Variants in DPP10 observed in about 807,000 individuals in gnomAD.
DPP10 encodes the protein inactive dipeptidyl peptidase 10.
A neutral mutation model predicts 120.9 loss-of-function variants in DPP10; 33 were observed. The ratio of observed to expected loss-of-function variants is 0.27; its 90% CI spans 0.21 to 0.37. The LOEUF (loss-of-function observed/expected upper bound fraction) is 0.37, where lower values mean the gene tolerates loss of function less well. DPP10 is among the 10% of genes least tolerant of loss of function. DPP10 has a pLI of 1.00. For missense variants in DPP10, 816 were observed against 942.8 expected (o/e 0.87, Z 1.76); for synonymous variants, 337 against 326.1 (o/e 1.03, Z -0.36).
intron 1 of DPP10, among the ~76,000 whole-genome samples, chr2:115,101,529 G>C (rs2048692981): frequency 6.6e-6 from 1 of 152,130 alleles, no homozygotes; most frequent in Non-Finnish European, 1.5e-5. Context: ...GGCCCAAGTA[G>C]GGAAGCCACT....
intron 1 of DPP10, among the ~76,000 whole-genome samples, chr2:115,277,244 G>A (rs1011888438): frequency 2.0e-5 from 3 of 152,056 alleles, no homozygotes; most frequent in African/African-American, 7.2e-5. Context: ...AAATACTGGT[G>A]TGCCTGACTT....
At chr2:115,166,081 C>T (rs1201400162) in intron 1 of DPP10, among the ~76,000 whole-genome samples, 1 of 152,134 alleles carries the variant, frequency 6.6e-6, no homozygotes, top group Non-Finnish European at 1.5e-5. Flanking sequence ...GTAATATCAA[C>T]TTAAAATGTT....
chr2:115,311,334 C>A (rs1198485524), intron 2 of DPP10, among the ~76,000 whole-genome samples: 1 of 152,152 alleles, frequency 6.6e-6, no homozygotes, highest in Non-Finnish European at 1.5e-5. Flanking sequence ...CTGCCTAGCA[C>A]TGCTGCTGCT....
intron 1 of DPP10, among the ~76,000 whole-genome samples, chr2:114,892,953 G>A (rs1692664868): frequency 2.0e-5 from 3 of 152,298 alleles, no homozygotes; most frequent in South Asian, 4.1e-4. Flanking sequence ...AGTTGAGGCA[G>A]TGCTAAAACC....
At chr2:114,997,695 G>A (rs1352294693) in intron 1 of DPP10, among the ~76,000 whole-genome samples, 1 of 152,142 alleles carries the variant, frequency 6.6e-6, no homozygotes, top group Non-Finnish European at 1.5e-5. Flanking sequence ...TCTAGAAATA[G>A]GGATGAGTGT....
intron 1 of DPP10, chr2:115,064,574 C>T: frequency 8.9e-7 from 1 of 1,122,334 alleles, no homozygotes; most frequent in South Asian, 1.6e-5. Context: ...CCCCTACACA[C>T]ACATATTTCG....
chr2:115,085,717 A>C (rs1649694306), intron 1 of DPP10, among the ~76,000 whole-genome samples: 1 of 152,178 alleles, frequency 6.6e-6, no homozygotes, highest in South Asian at 2.1e-4. Flanking sequence ...CAGCCTTTTT[A>C]GCCCAGTCCT....
intron 3 of DPP10, among the ~76,000 whole-genome samples, chr2:115,415,857 A>ATATATATC (rs1553592876): frequency 3.0e-5 from 4 of 135,198 alleles, no homozygotes; most frequent in Non-Finnish European, 6.3e-5. Context: ...ATATATATAT[A>ATATATATC]TATATATATA....
At chr2:114,526,855 G>A (rs529835161) in intron 1 of DPP10, among the ~76,000 whole-genome samples, 2 of 152,176 alleles carry the variant, frequency 1.3e-5, no homozygotes, top group African/African-American at 4.8e-5. Context: ...ATTAGGGTGG[G>A]GGATACAAAT....
At chr2:115,750,023 G>T (rs1678504077) in intron 10 of DPP10, 1 of 985,226 alleles carries the variant, frequency 1.0e-6, no homozygotes. Context: ...GGACTTCCTG[G>T]GTAATCCAGA....
intron 24 of DPP10, among the ~76,000 whole-genome samples, chr2:115,838,120 A>G (rs886931028): frequency 2.6e-5 from 4 of 152,204 alleles, no homozygotes; most frequent in African/African-American, 7.2e-5. Context: ...GGAACTCTGT[A>G]CTATCTCTGC....
intron 1 of DPP10, among the ~76,000 whole-genome samples, chr2:114,801,020 T>A (rs2106279766): frequency 6.6e-6 from 1 of 151,474 alleles, no homozygotes; most frequent in South Asian, 2.1e-4. Context: ...TCCCAGCACT[T>A]TGGGAGGCCG....
At chr2:114,534,763 A>G (rs1466450806) in intron 1 of DPP10, among the ~76,000 whole-genome samples, 1 of 151,666 alleles carries the variant, frequency 6.6e-6, no homozygotes, top group East Asian at 1.9e-4. Flanking sequence ...AACATCTTTT[A>G]GAGTCATGGA....
Position 114,525,081 on chromosome 2 carries a change from C to G in DPP10, c.60+82243C>G, listed in dbSNP as rs6734259. 8.1e-3 allele frequency among the ~76,000 whole-genome samples: 1,232 copies of G among 152,250 alleles called. 18 individuals carry two copies. Among genetic ancestry groups the G allele is most frequent in the African/African-American group, 0.028 (1,164 of 41,530 alleles). On this transcript the variant is annotated intron_variant, in intron 1 of 25. Transcript: ENST00000410059. ...TATATTAGCAATACCTTCCCTCTACCCTTTGAGTTCTCCTTAGAGGTTTAA... is the reference window on the plus strand; with the variant it reads ...TATATTAGCAATACCTTCCCTCTACGCTTTGAGTTCTCCTTAGAGGTTTAA...
At chr2:114,849,022 CA>C (rs1296872229) in intron 1 of DPP10, among the ~76,000 whole-genome samples, 6 of 152,154 alleles carry the variant, frequency 3.9e-5, no homozygotes, top group African/African-American at 1.4e-4. Flanking sequence ...GCACTAATCC[CA>C]TTCATGAGAG....
intron 5 of DPP10, among the ~76,000 whole-genome samples, chr2:115,629,667 C>T (rs1343487180): frequency 6.6e-6 from 1 of 152,146 alleles, no homozygotes; most frequent in Non-Finnish European, 1.5e-5. Flanking sequence ...GGAATCCTTT[C>T]CTCATTGCTT....
chr2:115,796,560 A>G (rs989403598), intron 19 of DPP10, among the ~76,000 whole-genome samples: 1 of 152,098 alleles, frequency 6.6e-6, no homozygotes, highest in African/African-American at 2.4e-5. Context: ...GTATGGGTCC[A>G]TTTCTCTGCA....
At chr2:115,424,781 T>C (rs1416582224) in intron 3 of DPP10, among the ~76,000 whole-genome samples, 1 of 152,186 alleles carries the variant, frequency 6.6e-6, no homozygotes, top group Non-Finnish European at 1.5e-5. Flanking sequence ...ATTTAAGACC[T>C]CACCTTTACT....
At chr2:115,365,099 A>G (rs543355645) in intron 3 of DPP10, among the ~76,000 whole-genome samples, 141 of 152,250 alleles carry the variant, frequency 9.3e-4, no homozygotes, top group African/African-American at 3.2e-3. Context: ...TACTAAGGTA[A>G]GTTCTTAGAA....
Sources: allele counts gnomAD v4.1 joint callset (sites outside exome capture counted in the v4.1 genomes callset), GRCh38; gene constraint gnomAD v4.1.1; transcripts MANE v1.5; gene names NCBI Gene and HGNC (gene_info 2026-07-23, HGNC 2026-07-21).